Variants in ZNF385D observed in about 807,000 individuals in gnomAD.
The protein encoded by ZNF385D is zinc finger protein 385D.
A neutral mutation model predicts 35.8 loss-of-function variants in ZNF385D; 15 were observed. That is an observed-to-expected ratio of 0.42 (90% CI 0.28 to 0.64). The LOEUF (loss-of-function observed/expected upper bound fraction) is 0.64, where lower values mean the gene tolerates loss of function less well. Among genes scored for constraint, ZNF385D ranks in the 30% least tolerant of loss-of-function variants. The pLI, the probability that ZNF385D is intolerant of heterozygous loss-of-function variation, is 0.23. For missense variants in ZNF385D, 474 were observed against 494.6 expected, an observed-to-expected ratio of 0.96 and a Z score of 0.39; for synonymous variants, 212 against 186.8, an observed-to-expected ratio of 1.13 and a Z score of -1.10.
intron 2 of ZNF385D, among the ~76,000 whole-genome samples, chr3:22,290,386 G>A (rs1490343002): frequency 6.6e-6 from 1 of 152,160 alleles, no homozygotes; most frequent in Non-Finnish European, 1.5e-5. Context: ...TGTCAGAGAA[G>A]ATAGTTCTCA....
At chr3:21,788,350 C>A (rs1213968755) in intron 3 of ZNF385D, among the ~76,000 whole-genome samples, 1 of 152,034 alleles carries the variant, frequency 6.6e-6, no homozygotes. Flanking sequence ...TGGTGGCAGG[C>A]GCCTGTAATC....
At chr3:22,083,993 G>T (rs1397543172) in intron 3 of ZNF385D, among the ~76,000 whole-genome samples, 2 of 152,224 alleles carry the variant, frequency 1.3e-5, no homozygotes, top group African/African-American at 4.8e-5. Flanking sequence ...AGCTTCATAC[G>T]TGAAGGAGAA....
chr3:21,682,086 A>G (rs777131327), intron 1 of ZNF385D, among the ~76,000 whole-genome samples: 124 of 152,286 alleles, frequency 8.1e-4, no homozygotes, highest in African/African-American at 2.7e-3. Flanking sequence ...GAGTAATGTA[A>G]AGGATGTAAG....
intron 3 of ZNF385D, among the ~76,000 whole-genome samples, chr3:21,902,154 T>C (rs1699446779): frequency 6.6e-6 from 1 of 152,172 alleles, no homozygotes; most frequent in African/African-American, 2.4e-5. Flanking sequence ...CCTATACACA[T>C]TTAAAACTTT....
chr3:21,534,271 GC>G (rs2061987741), intron 3 of ZNF385D, among the ~76,000 whole-genome samples: 1 of 152,008 alleles, frequency 6.6e-6, no homozygotes, highest in Non-Finnish European at 1.5e-5. Flanking sequence ...ATCTGAACTT[GC>G]ATTGTAGACT....
At chr3:22,227,358 CTGAT>C (rs1423972927) in intron 2 of ZNF385D, among the ~76,000 whole-genome samples, 1 of 152,078 alleles carries the variant, frequency 6.6e-6, no homozygotes, top group Non-Finnish European at 1.5e-5. Context: ...GGACGTGAAT[CTGAT>C]TGTGTGTCAT....
At chr3:21,483,722 T>C (rs1443062873) in intron 4 of ZNF385D, among the ~76,000 whole-genome samples, 1 of 152,186 alleles carries the variant, frequency 6.6e-6, no homozygotes, top group Admixed American at 6.6e-5. Context: ...GTGCATTATT[T>C]GACAAAATGT....
intron 5 of ZNF385D, among the ~76,000 whole-genome samples, chr3:21,431,441 A>G (rs978710428): frequency 6.6e-6 from 1 of 152,194 alleles, no homozygotes; most frequent in Non-Finnish European, 1.5e-5. Flanking sequence ...GATGATAAAA[A>G]TATTCCATAT....
intron 2 of ZNF385D, among the ~76,000 whole-genome samples, chr3:22,200,217 G>C (rs1284998005): frequency 7.9e-5 from 12 of 151,962 alleles, no homozygotes. Flanking sequence ...TTTCATCCTG[G>C]CAAGATTATC....
chr3:22,330,239 T>G (rs1451895942), intron 2 of ZNF385D, among the ~76,000 whole-genome samples: 1 of 152,350 alleles, frequency 6.6e-6, no homozygotes, highest in East Asian at 1.9e-4. Flanking sequence ...AAATTATGCC[T>G]GTATTTGTCC....
At chr3:21,849,668 T>A (rs1381159319) in intron 3 of ZNF385D, 1 of 138,590 alleles carries the variant, frequency 7.2e-6, no homozygotes, top group African/African-American at 2.6e-5. Flanking sequence ...CTGGTCTGAA[T>A]CACTCTCATA....
At chr3:22,200,186 T>C (rs1292986791) in intron 2 of ZNF385D, among the ~76,000 whole-genome samples, 6 of 151,862 alleles carry the variant, frequency 4.0e-5, no homozygotes, top group Non-Finnish European at 8.8e-5. Context: ...TAGAGGGAGG[T>C]CAATTCACTT....
intron 3 of ZNF385D, among the ~76,000 whole-genome samples, chr3:22,101,505 C>T (rs944328978): frequency 4.6e-5 from 7 of 151,978 alleles, no homozygotes; most frequent in African/African-American, 1.7e-4. Flanking sequence ...AAGGTTTAAA[C>T]GTTAATCTAA....
At chr3:22,343,673 C>T (rs1490470546) in intron 2 of ZNF385D, among the ~76,000 whole-genome samples, 1 of 152,214 alleles carries the variant, frequency 6.6e-6, no homozygotes, top group Non-Finnish European at 1.5e-5. Flanking sequence ...CTATAAGCTA[C>T]CCAATATTCT....
At chr3:21,814,544 T>C (rs563328775) in intron 3 of ZNF385D, among the ~76,000 whole-genome samples, 9 of 152,132 alleles carry the variant, frequency 5.9e-5, no homozygotes, top group East Asian at 1.9e-4. Context: ...TAGTCTCTGA[T>C]AAAACAGACT....
chr3:22,078,541 T>C (rs994951258), intron 3 of ZNF385D, among the ~76,000 whole-genome samples: 1 of 152,038 alleles, frequency 6.6e-6, no homozygotes, highest in Admixed American at 6.6e-5. Flanking sequence ...CAACACTGTA[T>C]GAAGAAAATC....
chr3:21,812,914 C>T (rs1055261304), intron 3 of ZNF385D, among the ~76,000 whole-genome samples: 1 of 152,164 alleles, frequency 6.6e-6, no homozygotes, highest in East Asian at 1.9e-4. Context: ...GTCCCTGACC[C>T]CTGAGTAGCC....
rs556035601 is a variant in ZNF385D, at chr3:21,890,555, G to A, written c.326-225527C>T. Among the ~76,000 whole-genome samples, 4 of 152,244 alleles carry A rather than the reference G, an allele frequency of 2.6e-5. No homozygotes were observed. The South Asian group carries it at 8.3e-4, about 32-fold the overall frequency. ...AATTGCTGGAACCTGGGAGGCGGAG[G>A]TTGCAGTGAGCCAAGATCGCGCCAC... On this transcript the variant is annotated intron_variant, in intron 3 of 5. Transcript: ENST00000494108.
chr3:22,116,161 T>C (rs913593071), intron 3 of ZNF385D, among the ~76,000 whole-genome samples: 1 of 152,072 alleles, frequency 6.6e-6, no homozygotes, highest in Non-Finnish European at 1.5e-5. Flanking sequence ...TATAATAATA[T>C]GTATTTAAAA....
Sources: gnomAD v4.1 joint callset for allele counts (sites outside exome capture counted in the v4.1 genomes callset) on GRCh38, gnomAD v4.1.1 for gene constraint, MANE v1.5 for transcripts, NCBI Gene and HGNC (gene_info 2026-07-23, HGNC 2026-07-21) for gene names.